Variants in PELI1 observed in about 807,000 individuals in gnomAD.
PELI1 encodes pellino E3 ubiquitin protein ligase 1, also known as E3 ubiquitin-protein ligase pellino homolog 1.
A neutral mutation model predicts 41.3 loss-of-function variants in PELI1; 15 were observed. That is an observed-to-expected ratio of 0.36 (90% CI 0.24 to 0.56). PELI1 has a LOEUF of 0.56. Ranked by LOEUF, PELI1 falls within the 20% of genes least tolerant of loss-of-function variation. The probability of loss-of-function intolerance (pLI) is 0.82; values close to 1 mark genes in which losing one functional copy is unlikely to be tolerated. For missense variants in PELI1, 403 were observed against 525.5 expected (o/e 0.77, Z 2.28); for synonymous variants, 178 against 180.1 (o/e 0.99, Z 0.09).
intron 1 of PELI1, among the ~76,000 whole-genome samples, chr2:64,128,816 T>TAA (rs1363148421): frequency 3.3e-4 from 51 of 152,312 alleles, no homozygotes; most frequent in African/African-American, 1.2e-3. Context: ...TCTTGGGTTT[T>TAA]ATGTAAGTTA....
chr2:64,125,560 A>G (rs1361335532), intron 1 of PELI1, among the ~76,000 whole-genome samples: 1 of 152,228 alleles, frequency 6.6e-6, no homozygotes, highest in Non-Finnish European at 1.5e-5. Flanking sequence ...TTACCAAACC[A>G]ACAGATTTGG....
intron 1 of PELI1, among the ~76,000 whole-genome samples, chr2:64,140,814 A>AAAAAAAC (rs1306339781): frequency 6.7e-6 from 1 of 148,864 alleles, no homozygotes. Context: ...CAAACAAAAA[A>AAAAAAAC]AAACCTAGGG....
At chr2:64,122,257 G>A (rs545135362) in intron 1 of PELI1, among the ~76,000 whole-genome samples, 7 of 142,830 alleles carry the variant, frequency 4.9e-5, no homozygotes, top group South Asian at 2.4e-4. Flanking sequence ...TTAAACTTCC[G>A]TATTTTCCTC....
chr2:64,097,938 A>T lies in PELI1; in HGVS notation c.304-1328T>A, dbSNP rs148080226. ...ATAAAGATACCTTAAATGGCCTCAGATCTTTGAAACAAAAAATATTCCCCC... is the reference window on the plus strand; with the variant it reads ...ATAAAGATACCTTAAATGGCCTCAGTTCTTTGAAACAAAAAATATTCCCCC... On this transcript the variant is annotated intron_variant, in intron 4 of 6. Coordinates refer to ENST00000358912, the MANE Select transcript of PELI1 (RefSeq NM_020651.4). Among the ~76,000 whole-genome samples the T allele has an allele frequency of 9.4e-4, 143 of 152,290 alleles. 1 individual carries two copies. Among genetic ancestry groups the T allele is most frequent in the African/African-American group, 3.3e-3 (137 of 41,546 alleles).
At chr2:64,133,428 G>C (rs1024113780) in intron 1 of PELI1, among the ~76,000 whole-genome samples, 20 of 152,050 alleles carry the variant, frequency 1.3e-4, no homozygotes, top group African/African-American at 4.8e-4. Flanking sequence ...AGATGACAAA[G>C]AGATTTCATC....
intron 1 of PELI1, among the ~76,000 whole-genome samples, chr2:64,114,199 T>C (rs1441523326): frequency 2.0e-5 from 3 of 152,230 alleles, no homozygotes; most frequent in Non-Finnish European, 4.4e-5. Context: ...GATTTCCATC[T>C]ATACTAGAGT....
At position 64,096,259 on chromosome 2, in the gene PELI1, T is replaced by TA; in HGVS notation, c.555dup (p.Asn186Ter). The TA allele has an allele frequency of 6.2e-7, 1 of 1,614,084 alleles. No homozygotes were observed. The highest frequency in any genetic ancestry group is 1.7e-5 in the Admixed American group (1 of 60,018). On this transcript the variant is annotated frameshift_variant, in exon 6 of 7. Coordinates refer to ENST00000358912, the MANE Select transcript of PELI1 (RefSeq NM_020651.4). LOFTEE classifies it high-confidence loss of function. ...CGTGGATGCATCACAAGAACACCAT[T>TA]AGTGGTCAAGCCATCCATCTGTCCA...
Position 64,096,250 on chromosome 2 carries a change from G to C in PELI1, c.565C>G (p.Leu189Val). 3 of 1,613,916 alleles carry C rather than the reference G, an allele frequency of 1.9e-6. No individual in the cohort carries two copies. The highest frequency in any genetic ancestry group is 2.5e-6 in the Non-Finnish European group (3 of 1,179,812). ...AACCCATTGCGTGGATGCATCACAA[G>C]AACACCATTAGTGGTCAAGCCATCC... The part of the protein sequence containing the change: ...QMDGLTTNGV[L>V]VMHPRNGFTE... Residue 189 changes from leucine (L) to valine (V), a missense_variant, in exon 6 of 7, where the codon CTT becomes GTT. Physicochemically the swap from Leu to Val is conservative, Grantham distance 32. Transcript: ENST00000358912.
At chr2:64,116,580 T>C (rs1197790502) in intron 1 of PELI1, among the ~76,000 whole-genome samples, 2 of 152,236 alleles carry the variant, frequency 1.3e-5, no homozygotes, top group Admixed American at 1.3e-4. Flanking sequence ...CTAAGCACTT[T>C]ACATGTATTA....
At chr2:64,098,702 T>C (rs1354797478) in intron 4 of PELI1, among the ~76,000 whole-genome samples, 2 of 152,174 alleles carry the variant, frequency 1.3e-5, no homozygotes, top group Non-Finnish European at 2.9e-5. Context: ...AGAGTTGGAG[T>C]TGGAATATCT....
At chr2:64,118,910 A>G (rs1330435308) in intron 1 of PELI1, among the ~76,000 whole-genome samples, 1 of 152,200 alleles carries the variant, frequency 6.6e-6, no homozygotes, top group Non-Finnish European at 1.5e-5. Flanking sequence ...CTACGAAACA[A>G]CAACATAATT....
At chr2:64,132,957 T>C (rs1024527492) in intron 1 of PELI1, among the ~76,000 whole-genome samples, 1 of 152,188 alleles carries the variant, frequency 6.6e-6, no homozygotes, top group African/African-American at 2.4e-5. Context: ...ACTGGTCTGA[T>C]ACCATTACAA....
At chr2:64,122,344 A>T (rs1681251694) in intron 1 of PELI1, among the ~76,000 whole-genome samples, 1 of 73,906 alleles carries the variant, frequency 1.4e-5, no homozygotes, top group Non-Finnish European at 2.7e-5. Context: ...CTGAAACTTA[A>T]AAAAAAAAAA....
intron 3 of PELI1, among the ~76,000 whole-genome samples, chr2:64,101,407 A>G (rs1680427758): frequency 6.6e-6 from 1 of 152,060 alleles, no homozygotes; most frequent in Non-Finnish European, 1.5e-5. Context: ...TTATGACTGT[A>G]CTTCTGATTT....
intron 2 of PELI1, among the ~76,000 whole-genome samples, chr2:64,107,708 TA>T (rs1680666315): frequency 6.6e-6 from 1 of 151,986 alleles, no homozygotes; most frequent in Admixed American, 6.5e-5. Flanking sequence ...GACAGAGTCT[TA>T]CTCTGTTGCC....
chr2:64,116,153 A>G (rs1267276787), intron 1 of PELI1, among the ~76,000 whole-genome samples: 1 of 152,208 alleles, frequency 6.6e-6, no homozygotes, highest in Admixed American at 6.5e-5. Flanking sequence ...GTGCTCCCTG[A>G]TTGTGGAAGG....
chr2:64,133,629 A>C (rs563219518), intron 1 of PELI1, among the ~76,000 whole-genome samples: 4 of 152,216 alleles, frequency 2.6e-5, no homozygotes, highest in Admixed American at 2.6e-4. Context: ...AAGAGGTTAA[A>C]TGAAATATAT....
intron 3 of PELI1, among the ~76,000 whole-genome samples, chr2:64,101,269 T>C (rs1238370454): frequency 1.3e-5 from 2 of 151,314 alleles, no homozygotes; most frequent in African/African-American, 4.9e-5. Context: ...GGCCATATGC[T>C]GGGTGAGATA....
chr2:64,118,418 T>C (rs906162527), intron 1 of PELI1, among the ~76,000 whole-genome samples: 7 of 152,206 alleles, frequency 4.6e-5, no homozygotes, highest in South Asian at 2.1e-4. Flanking sequence ...AAAACAATCA[T>C]ACATTACTGA....
Sources: allele counts gnomAD v4.1 joint callset (sites outside exome capture counted in the v4.1 genomes callset), GRCh38; gene constraint gnomAD v4.1.1; transcripts MANE v1.5; gene names NCBI Gene and HGNC (gene_info 2026-07-23, HGNC 2026-07-21).